THADA: variants seen among roughly 807,000 people sequenced by gnomAD.
THADA encodes tRNA (32-2'-O)-methyltransferase regulator THADA.
THADA carries 213 observed loss-of-function variants against 219.8 expected under a neutral mutation model. The ratio of observed to expected loss-of-function variants is 0.97; its 90% CI spans 0.87 to 1.09. The LOEUF is 1.09. Ranked by LOEUF, THADA falls within the 50% of genes least tolerant of loss-of-function variation. The pLI, the probability that THADA is intolerant of heterozygous loss-of-function variation, is 0.00. For synonymous variants in THADA, 1,018 were observed against 828.9 expected, an observed-to-expected ratio of 1.23 and a Z score of -3.92; for missense variants, 2,956 against 2,311.3, an observed-to-expected ratio of 1.28 and a Z score of -5.72.
intron 30 of THADA, among the ~76,000 whole-genome samples, chr2:43,341,777 G>C (rs1012242194): frequency 1.3e-5 from 2 of 152,216 alleles, no homozygotes; most frequent in African/African-American, 4.8e-5. Flanking sequence ...GTAGGAAGAA[G>C]TGGCCTATTA....
At chr2:43,529,144 T>C (rs925928482) in intron 21 of THADA, among the ~76,000 whole-genome samples, 1 of 151,360 alleles carries the variant, frequency 6.6e-6, no homozygotes, top group Non-Finnish European at 1.5e-5. Flanking sequence ...AAATAACAAA[T>C]ATGACTTTTT....
At chr2:43,554,731 A>C (rs1244516667) in intron 17 of THADA, among the ~76,000 whole-genome samples, 1 of 152,190 alleles carries the variant, frequency 6.6e-6, no homozygotes, top group Non-Finnish European at 1.5e-5. Flanking sequence ...ACTTGGCATC[A>C]TCTCATAAAG....
chr2:43,389,802 C>G (rs1291755237), intron 29 of THADA, among the ~76,000 whole-genome samples: 1 of 152,222 alleles, frequency 6.6e-6, no homozygotes, highest in Non-Finnish European at 1.5e-5. Context: ...CTGAAGCCTT[C>G]TCTCATGTCT....
At chr2:43,562,490 C>G (rs1364649742) in intron 15 of THADA, 4 of 152,228 alleles carry the variant, frequency 2.6e-5, no homozygotes, top group Non-Finnish European at 4.4e-5. Context: ...AGGTGATCCA[C>G]CTGACTCGGC....
Position 43,520,754 on chromosome 2 carries a change from A to T in THADA, c.3374+7125T>A, listed in dbSNP as rs535032531. 4.0e-5 allele frequency among the ~76,000 whole-genome samples: 6 copies of T among 149,956 alleles called. No individual in the cohort carries two copies. In the East Asian group the frequency reaches 9.7e-4, roughly 24 times the overall value. On this transcript the variant is annotated intron_variant, in intron 22 of 37. Transcript: ENST00000405975. Reference sequence around the variant, plus strand: ...CACACACACACACACATATATATCAACAACAACAACAACAAACGGTTTACC... The same window carrying T: ...CACACACACACACACATATATATCATCAACAACAACAACAAACGGTTTACC...
intron 29 of THADA, among the ~76,000 whole-genome samples, chr2:43,360,677 C>T (rs1669408026): frequency 6.6e-6 from 1 of 152,208 alleles, no homozygotes; most frequent in Admixed American, 6.5e-5. Context: ...CAATGACTCT[C>T]TCTAAGCAAC....
At chr2:43,361,518 C>G (rs951245153) in intron 29 of THADA, among the ~76,000 whole-genome samples, 4 of 152,226 alleles carry the variant, frequency 2.6e-5, no homozygotes, top group African/African-American at 9.6e-5. Context: ...CTCCTGTTCT[C>G]CTAGCTCTGC....
chr2:43,313,318 A>G (rs931168572), intron 31 of THADA, among the ~76,000 whole-genome samples: 1 of 152,264 alleles, frequency 6.6e-6, no homozygotes, highest in African/African-American at 2.4e-5. Flanking sequence ...TGGCATTTAG[A>G]CTATTTAGGG....
At chr2:43,574,295 C>A in intron 11 of THADA, 41 bp downstream of exon 11, 1 of 1,367,332 alleles carries the variant, frequency 7.3e-7, no homozygotes. Context: ...ATTTAAGCAT[C>A]ATAATTAGAA....
At chr2:43,472,844 T>C (rs1485335106) in intron 26 of THADA, among the ~76,000 whole-genome samples, 1 of 152,184 alleles carries the variant, frequency 6.6e-6, no homozygotes, top group Non-Finnish European at 1.5e-5. Flanking sequence ...CTGTAGGCAA[T>C]ACTAACACAG....
At chr2:43,341,681 G>T (rs76632663) in intron 30 of THADA, among the ~76,000 whole-genome samples, 8,955 of 152,264 alleles carry the variant, frequency 0.059, 354 homozygotes, top group South Asian at 0.17. Context: ...TAGAGTGTTA[G>T]GATACTTGGG....
Position 43,291,704 on chromosome 2 carries a change from A to C in THADA, c.5002T>G (p.Cys1668Gly). Residue 1668 changes from cysteine (C) to glycine (G), a missense_variant, in exon 34 of 38, where the codon TGT (cysteine) becomes GGT (glycine). By Grantham distance (159) the Cys-to-Gly change is radical. Coordinates refer to ENST00000405975, the MANE Select transcript of THADA (RefSeq NM_022065.5). ...ATCAGAACCAGCCTTACCTCCACAC[A>C]TGTCTGCATGTGGTGGGAAATGACT... ...SKVISHHMQT[C>G]VENRELIAAE... 1.3e-6 allele frequency: 2 copies of C among 1,554,466 alleles called. No individual in the cohort carries two copies. The highest frequency in any genetic ancestry group is 1.7e-6 in the Non-Finnish European group (2 of 1,147,254).
chr2:43,546,292 A>G (rs2103848733), intron 20 of THADA, among the ~76,000 whole-genome samples: 1 of 152,176 alleles, frequency 6.6e-6, no homozygotes, highest in East Asian at 1.9e-4. Flanking sequence ...ACTTCCCACT[A>G]CGTGGTCAAT....
At chr2:43,587,316 A>G (rs1357070086) in intron 4 of THADA, among the ~76,000 whole-genome samples, 1 of 152,184 alleles carries the variant, frequency 6.6e-6, no homozygotes, top group East Asian at 1.9e-4. Flanking sequence ...GTACTAGTTG[A>G]AGTGTTTACA....
chr2:43,292,241 C>A lies in THADA; in HGVS notation c.4819-19G>T. The A allele has an allele frequency of 6.7e-7, 1 of 1,486,702 alleles. No homozygotes were observed. The highest frequency in any genetic ancestry group is 2.2e-5 in the Admixed American group (1 of 46,120). 92.1% of individuals were successfully genotyped at this position (1,486,702 alleles called of 1,614,324 possible). On this transcript the variant is annotated intron_variant, in intron 32 of 37. Transcript: ENST00000405975. ...TCAGTATCTGTGTAAGCCAAATCCG[C>A]ACACAAAAAAGAGAAATAAATACTC...
rs1204664233 is a variant in THADA, at chr2:43,577,228, C to T, written c.831G>A (p.Leu277=). Residue 277 remains leucine, a synonymous_variant, in exon 10 of 38, where the codon CTG becomes CTA. Coordinates refer to ENST00000405975, the MANE Select transcript of THADA (RefSeq NM_022065.5). The part of the protein sequence containing the change: ...EKIPHLISSV[L]LRSVDCTSVP... ...CACTGGTGCAGTCCACTGAACGAAG[C>T]AGCACACTGCTAATCTGGAAAAATA... 3 of 1,590,524 alleles carry T rather than the reference C, an allele frequency of 1.9e-6. No homozygotes were observed. The highest frequency in any genetic ancestry group is 1.1e-5 in the South Asian group (1 of 87,258).
intron 7 of THADA, among the ~76,000 whole-genome samples, chr2:43,584,596 G>A (rs1419351792): frequency 6.6e-6 from 1 of 152,168 alleles, no homozygotes; most frequent in African/African-American, 2.4e-5. Flanking sequence ...AACGTAAAAA[G>A]ATAAATTCTT....
intron 29 of THADA, among the ~76,000 whole-genome samples, chr2:43,378,761 A>G (rs530770818): frequency 6.6e-6 from 1 of 152,190 alleles, no homozygotes; most frequent in Admixed American, 6.5e-5. Context: ...ACCCAACACC[A>G]TGCCTGGCTA....
intron 30 of THADA, among the ~76,000 whole-genome samples, chr2:43,336,155 G>A (rs368066775): frequency 1.3e-5 from 2 of 152,052 alleles, no homozygotes; most frequent in South Asian, 4.1e-4. Flanking sequence ...AGTTACTTGG[G>A]AGCTGAGGTG....
Sources: allele counts gnomAD v4.1 joint callset (sites outside exome capture counted in the v4.1 genomes callset), GRCh38; gene constraint gnomAD v4.1.1; transcripts MANE v1.5; gene names NCBI Gene and HGNC (gene_info 2026-07-23, HGNC 2026-07-21).